The following CHLSN variants were observed in gnomAD, a reference collection of about 807,000 sequenced individuals.
The protein encoded by CHLSN is protein cholesin.
the CHLSN span, among the ~76,000 whole-genome samples, chr7:979,859 G>C: frequency 3.4e-4 from 52 of 152,252 alleles, no homozygotes; most frequent in African/African-American, 1.2e-3. Flanking sequence ...ACTTTTTTCC[G>C]CACAGTTGCA....
At chr7:1,016,895 C>T in the CHLSN span, among the ~76,000 whole-genome samples, 301 of 98,070 alleles carry the variant, frequency 3.1e-3, no homozygotes, top group African/African-American at 7.8e-3. Flanking sequence ...CACACCAGCG[C>T]ACAGCAGCAC....
chr7:1,017,025 C>T, the CHLSN span, among the ~76,000 whole-genome samples: 9 of 152,162 alleles, frequency 5.9e-5, no homozygotes, highest in African/African-American at 2.2e-4. Context: ...CACAGCAGCG[C>T]CCACCCACGC....
the CHLSN span, chr7:997,912 C>T: frequency 9.6e-7 from 1 of 1,045,088 alleles, no homozygotes; most frequent in Non-Finnish European, 1.4e-6. Flanking sequence ...AGGCTTCCGT[C>T]CTCCCACTGC....
At chr7:1,067,359 C>G in the CHLSN span, among the ~76,000 whole-genome samples, 4 of 30,546 alleles carry the variant, frequency 1.3e-4, no homozygotes, top group African/African-American at 3.0e-4. Flanking sequence ...ACACAGGCTG[C>G]AGTGCACCCC....
At chr7:1,016,757 G>A in the CHLSN span, among the ~76,000 whole-genome samples, 285 of 72,188 alleles carry the variant, frequency 3.9e-3, 7 homozygotes, top group Non-Finnish European at 6.1e-3. Flanking sequence ...AGCAGCACAC[G>A]CCAGCGCACA....
At chr7:1,110,207 C>T in the CHLSN span, among the ~76,000 whole-genome samples, 1 of 152,200 alleles carries the variant, frequency 6.6e-6, no homozygotes, top group Admixed American at 6.5e-5. Context: ...CACGCAGCCG[C>T]TCCTAGCTTC....
At chr7:1,062,829 G>A in the CHLSN span, among the ~76,000 whole-genome samples, 1 of 152,176 alleles carries the variant, frequency 6.6e-6, no homozygotes, top group Non-Finnish European at 1.5e-5. Context: ...GAAGAGCAGA[G>A]AATCTAGGCA....
chr7:1,057,593 G>A, the CHLSN span: 2 of 770,980 alleles, frequency 2.6e-6, no homozygotes, highest in East Asian at 2.4e-5. Context: ...AGCTGGGGCT[G>A]TCACTGTTGT....
chr7:1,040,175 A>C, the CHLSN span, among the ~76,000 whole-genome samples: 1 of 80,030 alleles, frequency 1.2e-5, no homozygotes, highest in Middle Eastern at 6.8e-3. Context: ...TCAATAAAAA[A>C]ATAAATTTAA....
chr7:1,032,857 C>T, the CHLSN span, among the ~76,000 whole-genome samples: 9 of 152,248 alleles, frequency 5.9e-5, no homozygotes, highest in Non-Finnish European at 1.2e-4. Flanking sequence ...GCCTCTGCCC[C>T]AAGCATCCTT....
At chr7:998,455 TTC>T in the CHLSN span, among the ~76,000 whole-genome samples, 1 of 143,832 alleles carries the variant, frequency 7.0e-6, no homozygotes, top group Non-Finnish European at 1.5e-5. Context: ...AAGTCTTAGA[TTC>T]TTTTTTTTTT....
chr7:1,059,928 T>G, the CHLSN span, among the ~76,000 whole-genome samples: 1 of 95,634 alleles, frequency 1.0e-5, no homozygotes, highest in Non-Finnish European at 2.0e-5. Context: ...GAGGCAGGTC[T>G]TAGTGGGGCG....
the CHLSN span, among the ~76,000 whole-genome samples, chr7:1,018,439 AGAG>A: frequency 2.0e-5 from 3 of 152,046 alleles, 1 homozygote; most frequent in South Asian, 4.1e-4. Flanking sequence ...CCCCGAGCAG[AGAG>A]GAGATGTGAT....
At chr7:1,107,376 C>T in the CHLSN span, among the ~76,000 whole-genome samples, 1 of 152,160 alleles carries the variant, frequency 6.6e-6, no homozygotes, top group Non-Finnish European at 1.5e-5. Context: ...ACCAAGAACC[C>T]ACTACACAGA....
the CHLSN span, among the ~76,000 whole-genome samples, chr7:1,015,163 G>A: frequency 6.6e-6 from 1 of 152,210 alleles, no homozygotes; most frequent in Non-Finnish European, 1.5e-5. Context: ...GATGGGAAGT[G>A]ACCTGGGTGG....
At chr7:1,108,760 G>C in the CHLSN span, among the ~76,000 whole-genome samples, 1 of 152,168 alleles carries the variant, frequency 6.6e-6, no homozygotes, top group South Asian at 2.1e-4. Context: ...CCCCTACCGT[G>C]TGCACCCGCT....
chr7:1,127,188 C>T, the CHLSN span: 5 of 1,504,530 alleles, frequency 3.3e-6, no homozygotes, highest in Admixed American at 7.3e-5. Flanking sequence ...TGAGCCACCC[C>T]CTCTCCCTCC....
the CHLSN span, among the ~76,000 whole-genome samples, chr7:1,047,915 T>C: frequency 6.6e-6 from 1 of 152,138 alleles, no homozygotes. Context: ...ACTGAATACA[T>C]CCCCTTCTAC....
the CHLSN span, among the ~76,000 whole-genome samples, chr7:1,096,704 G>A: frequency 6.6e-6 from 1 of 152,234 alleles, no homozygotes; most frequent in East Asian, 1.9e-4. This position sits in a 1 kb window ranked among gnomAD's most constrained non-coding sequence, Gnocchi z 4.6. Flanking sequence ...AAAAACCCCC[G>A]TGTTAGCACT....
Sources: allele counts gnomAD v4.1 joint callset (sites outside exome capture counted in the v4.1 genomes callset), GRCh38; gene constraint gnomAD v4.1.1; non-coding constraint Gnocchi (gnomAD v3.1); transcripts MANE v1.5; gene names NCBI Gene and HGNC (gene_info 2026-07-23, HGNC 2026-07-21).